Variants in STARD3 observed in about 807,000 individuals in gnomAD.
The protein encoded by STARD3 is StAR related lipid transfer domain containing 3.
Under a neutral mutation model 62.0 loss-of-function variants are expected in STARD3, and 39 were observed. The ratio of observed to expected loss-of-function variants is 0.63; its 90% CI spans 0.49 to 0.82. STARD3 has a LOEUF of 0.82. Ranked by LOEUF, STARD3 falls within the 40% of genes least tolerant of loss-of-function variation. The pLI, the probability that STARD3 is intolerant of heterozygous loss-of-function variation, is 0.00. For synonymous variants in STARD3, 229 were observed against 242.4 expected (o/e 0.94, Z 0.51); for missense variants, 543 against 584.5 (o/e 0.93, Z 0.73).
intron 1 of STARD3, among the ~76,000 whole-genome samples, chr17:39,649,568 G>A (rs118149555): frequency 0.036 from 5,467 of 152,284 alleles, 157 homozygotes; most frequent in Non-Finnish European, 0.058. Context: ...AAGAAAGAAA[G>A]GATATAAGAA....
chr17:39,663,635 C>A lies in STARD3; in HGVS notation c.*727C>A, dbSNP rs1467569615. Among the ~76,000 whole-genome samples, 1 of 137,678 alleles carries A rather than the reference C, an allele frequency of 7.3e-6. No individual in the cohort carries two copies. Among genetic ancestry groups the A allele is most frequent in the Non-Finnish European group, 1.6e-5 (1 of 63,476 alleles). The allele number at this position is 137,678 out of a possible 152,430, so 90.3% of individuals were successfully genotyped here. A position where few individuals can be genotyped will look rare whatever the true frequency, so the allele number is the denominator to read the frequency against. On this transcript the variant is annotated 3_prime_UTR_variant, in exon 15 of 15. Coordinates refer to ENST00000336308, the MANE Select transcript of STARD3 (RefSeq NM_006804.4). ...GTTCCTGAAACATGCCCCCCATTCC[C>A]CCCCCGCCCACCCCCCACTCCCCGC... is the stretch of plus-strand genomic sequence containing the variant.
chr17:39,663,194 G>A lies in STARD3; in HGVS notation c.*286G>A, dbSNP rs2057220886. 2.3e-6 allele frequency: 1 copy of A among 431,368 alleles called. No homozygotes were observed. Among genetic ancestry groups the A allele is most frequent in the African/African-American group, 2.0e-5 (1 of 48,862 alleles). 26.7% of individuals were successfully genotyped at this position (431,368 alleles called of 1,614,324 possible). A position where few individuals can be genotyped will look rare whatever the true frequency, so the allele number is the denominator to read the frequency against. On this transcript the variant is annotated 3_prime_UTR_variant, in exon 15 of 15. Transcript: ENST00000336308. ...GCTCTGCCCCACCTTGCCAGGGCAG[G>A]GTCTGGGCTGGGCACCTGACTTGGC...
At position 39,661,113 on chromosome 17, in the gene STARD3, C is replaced by G. The variant is rs778559120; in HGVS notation, c.1139+28C>G. On this transcript the variant is annotated intron_variant, in intron 13 of 14. Coordinates refer to ENST00000336308, the MANE Select transcript of STARD3 (RefSeq NM_006804.4). ...GAGCCTCACTTTGCCTGGGGTCACC[C>G]CTGCCAGCCCCTCCCCTGGGAGCAT... 3.8e-6 allele frequency: 6 copies of G among 1,599,906 alleles called. No individual in the cohort carries two copies. The East Asian group carries it at 1.1e-4, about 30-fold the overall frequency.
intron 1 of STARD3, among the ~76,000 whole-genome samples, chr17:39,652,184 T>C (rs1209127858): frequency 6.6e-6 from 1 of 152,206 alleles, no homozygotes; most frequent in Non-Finnish European, 1.5e-5. Flanking sequence ...AGCACTGGGC[T>C]GGCCTCCAGA....
rs966221131 is a variant in STARD3 at position 39,651,929 on chromosome 17, C to T, written c.-51-1552C>T. On this transcript the variant is annotated intron_variant, in intron 1 of 14. Transcript: ENST00000336308. ...CCAAGGGACGGGGCCTCTTAGAGCC[C>T]AGCACATGGGTGGGGCAGAGACTGT... is the stretch of plus-strand genomic sequence containing the variant. 5.3e-5 allele frequency: 8 copies of T among 152,224 alleles called. No homozygotes were observed. The East Asian group carries it at 1.3e-3, about 26-fold the overall frequency. The allele number at this position is 152,224 out of a possible 1,614,324, so 9.4% of individuals were successfully genotyped here.
rs902818778 is a variant in STARD3 at position 39,662,610 on chromosome 17, G to A, written c.1234-194G>A. 2.8e-5 allele frequency: 18 copies of A among 644,076 alleles called. No individual in the cohort carries two copies. The African/African-American group carries it at 3.3e-4, about 12-fold the overall frequency. The allele number at this position is 644,076 out of a possible 1,614,324, so 39.9% of individuals were successfully genotyped here. On this transcript the variant is annotated intron_variant, in intron 14 of 14. Coordinates refer to ENST00000336308, the MANE Select transcript of STARD3 (RefSeq NM_006804.4). ...GGCCAGCCCGGCCCCACCCTGGTCT[G>A]TTTGTGTTGCTGGTGCCAAGAGCCA...
In STARD3 at chr17:39,662,289, C is replaced by T. The variant is rs375047157; in HGVS notation, c.1178C>T (p.Ser393Leu). Reference protein sequence around the residue: ...NGPGGFIVLKSASNPRVCTFV... With the variant: ...NGPGGFIVLKLASNPRVCTFV... ...CCTGGGGGCTTCATCGTGCTCAAGT[C>T]GGCCAGTAACCCCCGTGTTTGCACC... The change falls in exon 14 of 15, where the codon TCG becomes TTG. Residue 393 changes from serine (S) to leucine (L), a missense_variant. Physicochemically the swap from Ser to Leu is moderately radical, Grantham distance 145. Coordinates refer to ENST00000336308, the MANE Select transcript of STARD3 (RefSeq NM_006804.4). 44 of 1,613,894 alleles carry T rather than the reference C, an allele frequency of 2.7e-5. No individual in the cohort carries two copies. Among genetic ancestry groups the T allele is most frequent in the Non-Finnish European group, 3.5e-5 (41 of 1,179,990 alleles).
At chr17:39,657,135 G>A (rs2057139186) in intron 3 of STARD3, 50 bp downstream of exon 3, 1 of 1,567,138 alleles carries the variant, frequency 6.4e-7, no homozygotes, top group Non-Finnish European at 8.8e-7. Context: ...AGAGGGAGCA[G>A]GGAAATGACT....
intron 1 of STARD3, among the ~76,000 whole-genome samples, chr17:39,648,979 C>T (rs1339352058): frequency 1.3e-5 from 2 of 151,916 alleles, no homozygotes; most frequent in Non-Finnish European, 2.9e-5. Context: ...CGAGCGACAG[C>T]ACCTGGAAGT....
Position 39,661,012 on chromosome 17 carries a change from C to T in STARD3, c.1066C>T (p.Arg356Cys), listed in dbSNP as rs138344582. ...CGTGAATGTCCGGCGCATTGAGCGG[C>T]GCAGGGACCGATACTTGTCATCAGG... ...DFVNVRRIER[R>C]RDRYLSSGIA... Residue 356 changes from arginine (R) to cysteine (C), a missense_variant, in exon 13 of 15, where the codon CGC (arginine) becomes TGC (cysteine). By Grantham distance (180) the Arg-to-Cys change is radical. Coordinates refer to ENST00000336308, the MANE Select transcript of STARD3 (RefSeq NM_006804.4). 36 of 1,613,698 alleles carry T rather than the reference C, an allele frequency of 2.2e-5. No homozygotes were observed. Among genetic ancestry groups the T allele is most frequent in the East Asian group, 4.5e-5 (2 of 44,890 alleles).
intron 3 of STARD3, 88 bp from the exon 4 acceptor site, chr17:39,657,687 G>T (rs1049604922): frequency 1.4e-6 from 2 of 1,438,328 alleles, no homozygotes; most frequent in East Asian, 2.3e-5. Flanking sequence ...GGAAGGGAAC[G>T]TGGGGGCAGG....
intron 6 of STARD3, 61 bp from the exon 7 acceptor site, chr17:39,658,661 G>A (rs564313128): frequency 1.4e-5 from 23 of 1,598,312 alleles, no homozygotes; most frequent in Non-Finnish European, 1.8e-5. Context: ...GCTTGGGTGG[G>A]GGTACCCCAG....
intron 2 of STARD3, among the ~76,000 whole-genome samples, chr17:39,656,160 C>T (rs1048475503): frequency 1.4e-5 from 2 of 140,402 alleles, no homozygotes; most frequent in Non-Finnish European, 3.1e-5. Context: ...CTTTAACAAG[C>T]CCCCCCAGAT....
chr17:39,653,064 C>G (rs1183757802), intron 1 of STARD3: 1 of 182,346 alleles, frequency 5.5e-6, no homozygotes, highest in Non-Finnish European at 1.2e-5. Context: ...GCTTGGAAAA[C>G]AAAGAACAGA....
intron 5 of STARD3, 36 bp from the exon 6 acceptor site, chr17:39,658,369 A>T (rs756002309): frequency 1.9e-6 from 3 of 1,590,118 alleles, no homozygotes; most frequent in East Asian, 2.2e-5. Flanking sequence ...GTTTGGGGTG[A>T]CCCCTGCCAT....
chr17:39,650,083 G>A (rs1597792354), intron 1 of STARD3, among the ~76,000 whole-genome samples: 1 of 152,074 alleles, frequency 6.6e-6, no homozygotes, highest in Non-Finnish European at 1.5e-5. Flanking sequence ...GGGTTGAATC[G>A]TGTCCCCCGC....
intron 3 of STARD3, 119 bp from the exon 4 acceptor site, chr17:39,657,656 C>T (rs2145013311): frequency 9.7e-7 from 1 of 1,028,512 alleles, no homozygotes; most frequent in Non-Finnish European, 1.5e-6. Context: ...GTCGTTGTCC[C>T]CTGAGGTGTG....
At position 39,663,920 on chromosome 17, in the gene STARD3, G is replaced by A. The variant is rs763232538; in HGVS notation, c.*1012G>A. Among the ~76,000 whole-genome samples, 8 of 151,984 alleles carry A rather than the reference G, an allele frequency of 5.3e-5. No homozygotes were observed. The highest frequency in any genetic ancestry group is 2.1e-4 in the South Asian group (1 of 4,826). On this transcript the variant is annotated 3_prime_UTR_variant, in exon 15 of 15. Coordinates refer to ENST00000336308, the MANE Select transcript of STARD3 (RefSeq NM_006804.4). ...CTCCACTCACCCATTCCCTCTCCCC[G>A]CACGGCACTCACACCAGGGGCGGCC...
At chr17:39,654,821 A>T (rs1246787303) in intron 2 of STARD3, among the ~76,000 whole-genome samples, 1 of 152,256 alleles carries the variant, frequency 6.6e-6, no homozygotes, top group African/African-American at 2.4e-5. Flanking sequence ...TGTCTTGTTA[A>T]TAGAGGTGAT....
Sources: allele counts gnomAD v4.1 joint callset (sites outside exome capture counted in the v4.1 genomes callset), GRCh38; gene constraint gnomAD v4.1.1; transcripts MANE v1.5; gene names NCBI Gene and HGNC (gene_info 2026-07-23, HGNC 2026-07-21).